URB1: variants seen among roughly 807,000 people sequenced by gnomAD.
The protein encoded by URB1 is nucleolar pre-ribosomal-associated protein 1.
In URB1, 197 loss-of-function variants were observed where a neutral mutation model predicts 242.3. That is an observed-to-expected ratio of 0.81 (90% CI 0.72 to 0.91). The LOEUF (loss-of-function observed/expected upper bound fraction) is 0.91, where lower values mean the gene tolerates loss of function less well. Among genes scored for constraint, URB1 ranks in the 40% least tolerant of loss-of-function variants. The pLI is 0.00. For missense variants in URB1, 2,721 were observed against 2,860.5 expected (o/e 0.95, Z 1.11); for synonymous variants, 1,153 against 1,201.8 (o/e 0.96, Z 0.84).
chr21:32,385,666 GAC>G lies in URB1; in HGVS notation c.159_160del (p.Ser54CysfsTer12). On this transcript the variant is annotated frameshift_variant, in exon 2 of 39. Coordinates refer to ENST00000382751, the MANE Select transcript of URB1 (RefSeq NM_014825.3). LOFTEE classifies it high-confidence loss of function. ...TTCTCGTGGTAGCTTCTTGGCAGCAGACACAAACGCTTCCAAGCCTGAAAAAA... is the reference window on the plus strand; with the variant it reads ...TTCTCGTGGTAGCTTCTTGGCAGCAGACAAACGCTTCCAAGCCTGAAAAAA... The G allele has an allele frequency of 6.4e-7, 1 of 1,551,328 alleles. No homozygotes were observed. The highest frequency in any genetic ancestry group is 1.4e-5 in the African/African-American group (1 of 73,088).
chr21:32,361,711 T>C (rs1370594155), intron 12 of URB1, among the ~76,000 whole-genome samples, 181 bp downstream of exon 12: 1 of 152,140 alleles, frequency 6.6e-6, no homozygotes, highest in Non-Finnish European at 1.5e-5. Context: ...TAAAATTCAA[T>C]CTATGATTCC....
intron 36 of URB1, 66 bp downstream of exon 36, chr21:32,319,151 A>G: frequency 6.8e-7 from 1 of 1,464,282 alleles, no homozygotes. Context: ...CATGGTGTCC[A>G]CAGGTGGCAG....
chr21:32,338,929 G>A, intron 25 of URB1, 29 bp from the exon 26 acceptor site: 2 of 1,492,848 alleles, frequency 1.3e-6, no homozygotes, highest in Non-Finnish European at 1.8e-6. Context: ...AGGGAAAAGA[G>A]CTTTGCTAAA....
At chr21:32,385,249 T>C (rs76833332) in intron 2 of URB1, among the ~76,000 whole-genome samples, 2,760 of 152,360 alleles carry the variant, frequency 0.018, 37 homozygotes, top group Middle Eastern at 0.037. Context: ...CACATGTTTA[T>C]GTGTTTCCCT....
intron 13 of URB1, among the ~76,000 whole-genome samples, chr21:32,360,506 T>C (rs1298637783): frequency 6.6e-6 from 1 of 152,214 alleles, no homozygotes; most frequent in African/African-American, 2.4e-5. Context: ...TCTTCTCCCA[T>C]AGGCCCAATT....
chr21:32,392,191 C>T (rs912931476), intron 1 of URB1, among the ~76,000 whole-genome samples: 2 of 152,222 alleles, frequency 1.3e-5, no homozygotes, highest in South Asian at 2.1e-4. Context: ...ACTTTCCAAA[C>T]GATTACAAGT....
In URB1 at chr21:32,347,339, G is replaced by T. The variant is rs1353815579; in HGVS notation, c.3485C>A (p.Thr1162Asn). The T allele has an allele frequency of 6.4e-7, 1 of 1,551,246 alleles. No homozygotes were observed. Among genetic ancestry groups the T allele is most frequent in the African/African-American group, 1.4e-5 (1 of 73,064 alleles). Residue 1162 changes from threonine (T) to asparagine (N), a missense_variant, in exon 22 of 39, where the codon ACC (threonine) becomes AAC (asparagine). Thr to Asn is a moderately conservative substitution (Grantham distance 65, BLOSUM62 0). Transcript: ENST00000382751. ...CTGCAGCTGATCCTGGGGGCTGCAG[G>T]TCAGCAGCTGCACCAGGGTCTTTCC... ...ALGKTLVQLL[T>N]CSPQDQLQSG...
rs957926343 is a variant in URB1, at chr21:32,368,218, C to A, written c.1197+185G>T. Among the ~76,000 whole-genome samples the A allele has an allele frequency of 2.0e-5, 3 of 151,848 alleles. No individual in the cohort carries two copies. The South Asian group carries it at 6.2e-4, about 32-fold the overall frequency. ...AAGTACCTGGGATTACAGGCGCACA[C>A]CACCACACCCAGTTAATTTTTGTAT... On this transcript the variant is annotated intron_variant, in intron 9 of 38. Coordinates refer to ENST00000382751, the MANE Select transcript of URB1 (RefSeq NM_014825.3).
At chr21:32,379,682 T>G (rs2033500558) in intron 4 of URB1, among the ~76,000 whole-genome samples, 1 of 152,098 alleles carries the variant, frequency 6.6e-6, no homozygotes, top group Non-Finnish European at 1.5e-5. Flanking sequence ...ATTTTACAGA[T>G]GAGAAAACTG....
chr21:32,322,031 T>C (rs2032773522), intron 33 of URB1, 87 bp from the exon 34 acceptor site: 1 of 1,473,496 alleles, frequency 6.8e-7, no homozygotes. Flanking sequence ...TTTTAAGTGG[T>C]GGCAAAAGTT....
intron 24 of URB1, among the ~76,000 whole-genome samples, chr21:32,344,318 T>C (rs10222052): frequency 0.16 from 24,587 of 152,144 alleles, 2,467 homozygotes; most frequent in African/African-American, 0.28. Context: ...AGACATTATA[T>C]AACATCTTGA....
rs2032733494 is a variant in URB1, at chr21:32,319,250, A to C, written c.5759T>G (p.Leu1920Arg). The C allele has an allele frequency of 1.9e-6, 3 of 1,551,050 alleles. No individual in the cohort carries two copies. The highest frequency in any genetic ancestry group is 1.7e-6 in the Non-Finnish European group (2 of 1,146,782). ...RLALHLVNEF[L>R]YVLIVLMKHL... ...CTTCATGAGCACGATGAGAACATAA[A>C]GGAACTCATTGACCAGGTGCAGGGC... is the stretch of plus-strand genomic sequence containing the variant. The change falls in exon 36 of 39, where the codon CTT becomes CGT. Residue 1920 changes from leucine to arginine, a missense_variant. Transcript: ENST00000382751.
chr21:32,388,666 T>C (rs995917905), intron 1 of URB1, among the ~76,000 whole-genome samples: 1 of 152,242 alleles, frequency 6.6e-6, no homozygotes, highest in Admixed American at 6.5e-5. Flanking sequence ...CCTGGAGTTA[T>C]GCATACCTAC....
In URB1 at chr21:32,357,030, T is replaced by C. The variant is rs145415592; in HGVS notation, c.1989+507A>G. 4.9e-3 allele frequency among the ~76,000 whole-genome samples: 749 copies of C among 152,346 alleles called. 7 individuals are homozygous for C. Among genetic ancestry groups the C allele is most frequent in the African/African-American group, 0.016 (673 of 41,580 alleles). ...AAACATAGTGCATCCCCCAAGCTGT[T>C]TGTTGCAGAGCAGAAATGAGGACTA... On this transcript the variant is annotated intron_variant, in intron 15 of 38. Coordinates refer to ENST00000382751, the MANE Select transcript of URB1 (RefSeq NM_014825.3).
chr21:32,392,997 G>T lies in URB1; in HGVS notation c.-87C>A. 1.4e-6 allele frequency: 2 copies of T among 1,393,072 alleles called. No individual in the cohort carries two copies. The highest frequency in any genetic ancestry group is 1.9e-6 in the Non-Finnish European group (2 of 1,068,400). 86.3% of individuals were successfully genotyped at this position (1,393,072 alleles called of 1,614,324 possible). ...GCACAGACAGCAGACACGCGCTTCAGGCCCACATGGCGCAGGAAGAGGCGG... is the reference window on the plus strand; with the variant it reads ...GCACAGACAGCAGACACGCGCTTCATGCCCACATGGCGCAGGAAGAGGCGG... On this transcript the variant is annotated 5_prime_UTR_variant, in exon 1 of 39. In the 5' UTR this introduces an upstream ATG that the reference lacks. Transcript: ENST00000382751.
chr21:32,387,526 G>A (rs924868433), intron 1 of URB1, among the ~76,000 whole-genome samples: 6 of 149,270 alleles, frequency 4.0e-5, no homozygotes, highest in Non-Finnish European at 7.4e-5. Flanking sequence ...GAAGCCGCAT[G>A]AGAGCGTAAG....
intron 8 of URB1, among the ~76,000 whole-genome samples, chr21:32,370,959 C>T (rs1360696244): frequency 3.3e-5 from 5 of 152,168 alleles, no homozygotes; most frequent in Non-Finnish European, 5.9e-5. Context: ...GACCAGCGCC[C>T]GTTCTCACCA....
Position 32,385,149 on chromosome 21 carries a change from T to G in URB1, c.282+396A>C, listed in dbSNP as rs562159364. Among the ~76,000 whole-genome samples, 60 of 152,322 alleles carry G rather than the reference T, an allele frequency of 3.9e-4. 1 individual carries two copies. The highest frequency in any genetic ancestry group is 3.4e-3 in the Middle Eastern group (1 of 294). ...CATCCTTATAGCAATAACCCTGAGA[T>G]TTCAACAGGCGCATCAATATCCCAA... On this transcript the variant is annotated intron_variant, in intron 2 of 38. Transcript: ENST00000382751.
Position 32,319,304 on chromosome 21 carries a change from G to A in URB1, c.5705C>T (p.Pro1902Leu). 6.4e-7 allele frequency: 1 copy of A among 1,551,344 alleles called. No individual in the cohort carries two copies. Among genetic ancestry groups the A allele is most frequent in the Non-Finnish European group, 8.7e-7 (1 of 1,146,820 alleles). Reference sequence around the variant, plus strand: ...CCGCTTGGCAGGCTCCTGGGAGCTAGGCTGGCAAAGGCGCTGGCTCTCCCA... The same window carrying A: ...CCGCTTGGCAGGCTCCTGGGAGCTAAGCTGGCAAAGGCGCTGGCTCTCCCA... ...VEWESQRLCQ[P>L]SSQEPAKRLA... is the part of the protein sequence containing the mutation. The change falls in exon 36 of 39, where the codon CCT (proline) becomes CTT (leucine). Residue 1902 changes from proline to leucine, a missense_variant. Physicochemically the swap from Pro to Leu is moderately conservative, Grantham distance 98 (BLOSUM62 -3). Transcript: ENST00000382751.
Sources: allele counts gnomAD v4.1 joint callset (sites outside exome capture counted in the v4.1 genomes callset), GRCh38; gene constraint gnomAD v4.1.1; transcripts MANE v1.5; gene names NCBI Gene and HGNC (gene_info 2026-07-23, HGNC 2026-07-21).